Variants in SUPT3H observed in about 807,000 individuals in gnomAD.
SUPT3H encodes transcription initiation protein SPT3 homolog.
In SUPT3H, 44 loss-of-function variants were observed where a neutral mutation model predicts 44.3. The observed-to-expected ratio is 0.99, with a 90% CI of 0.78 to 1.28. The LOEUF (loss-of-function observed/expected upper bound fraction) is 1.28, where lower values mean the gene tolerates loss of function less well. SUPT3H is among the 50% of genes most tolerant of loss of function. The pLI, the probability that SUPT3H is intolerant of heterozygous loss-of-function variation, is 0.00. For missense variants in SUPT3H, 380 were observed against 387.1 expected, an observed-to-expected ratio of 0.98 and a Z score of 0.15; for synonymous variants, 124 against 125.6, an observed-to-expected ratio of 0.99 and a Z score of 0.09.
intron 2 of SUPT3H, among the ~76,000 whole-genome samples, chr6:45,118,077 T>A (rs1417347370): frequency 6.6e-6 from 1 of 152,144 alleles, no homozygotes; most frequent in Non-Finnish European, 1.5e-5. Flanking sequence ...AATGATCTTT[T>A]ACTTTAGTAT....
chr6:44,846,735 A>C (rs1771941991), intron 10 of SUPT3H, among the ~76,000 whole-genome samples: 1 of 151,818 alleles, frequency 6.6e-6, no homozygotes. Context: ...GGGTTCAAGC[A>C]ATTCTCCTGC....
intron 2 of SUPT3H, among the ~76,000 whole-genome samples, chr6:45,120,417 T>TTA (rs370965970): frequency 2.0e-5 from 1 of 50,510 alleles, no homozygotes; most frequent in Non-Finnish European, 3.7e-5. Flanking sequence ...AGACCTTGTC[T>TTA]AAAAAAAAAA....
At chr6:44,821,794 A>G (rs1351101118), downstream of SUPT3H, among the ~76,000 whole-genome samples, 1 of 152,214 alleles carries the variant, frequency 6.6e-6, no homozygotes, top group Non-Finnish European at 1.5e-5. Context: ...GCTGCCTGAA[A>G]TCTTCAGAAG....
At chr6:45,295,127 C>T (rs1266683306) in intron 2 of SUPT3H, among the ~76,000 whole-genome samples, 3 of 151,992 alleles carry the variant, frequency 2.0e-5, no homozygotes, top group African/African-American at 4.8e-5. Context: ...ACCAAAACAG[C>T]GTGGTACTGG....
At chr6:45,299,765 AAATT>A (rs1213626877) in intron 2 of SUPT3H, among the ~76,000 whole-genome samples, 1 of 151,956 alleles carries the variant, frequency 6.6e-6, no homozygotes, top group African/African-American at 2.4e-5. Flanking sequence ...AAAAAAAAAA[AAATT>A]AATTAATTAA....
intron 6 of SUPT3H, among the ~76,000 whole-genome samples, chr6:44,988,312 G>T (rs1295540831): frequency 6.6e-6 from 1 of 151,684 alleles, no homozygotes; most frequent in Non-Finnish European, 1.5e-5. Context: ...ATGTCACCAA[G>T]AAAATTCTAA....
At chr6:44,830,014 G>GCAAC (rs1768340282) in intron 10 of SUPT3H, 157 bp from the exon 11 acceptor site, 4 of 650,888 alleles carry the variant, frequency 6.1e-6, no homozygotes, top group East Asian at 2.8e-5. Context: ...CAAAACTATA[G>GCAAC]CAACCATTCT....
At chr6:45,375,214 A>G (rs1318793624) in intron 1 of SUPT3H, among the ~76,000 whole-genome samples, 2 of 152,208 alleles carry the variant, frequency 1.3e-5, no homozygotes, top group Non-Finnish European at 2.9e-5. Flanking sequence ...TCTCAAAAAT[A>G]ATAAAGTATT....
intron 2 of SUPT3H, among the ~76,000 whole-genome samples, chr6:45,329,361 C>T (rs551608830): frequency 4.5e-4 from 69 of 151,958 alleles, no homozygotes; most frequent in African/African-American, 1.5e-3. Flanking sequence ...TTCTAAACAA[C>T]TTTATATAAG....
chr6:44,979,151 GT>G (rs1778750322), intron 6 of SUPT3H, among the ~76,000 whole-genome samples: 1 of 152,094 alleles, frequency 6.6e-6, no homozygotes, highest in South Asian at 2.1e-4. Context: ...TTTGCATAAT[GT>G]TCTTTAGAGG....
intron 6 of SUPT3H, among the ~76,000 whole-genome samples, chr6:44,973,580 C>T (rs1032406337): frequency 2.6e-5 from 4 of 152,164 alleles, no homozygotes; most frequent in Non-Finnish European, 5.9e-5. Flanking sequence ...TGGCCTGTTA[C>T]CAACTTCCAA....
chr6:44,889,875 C>T (rs1020671151), intron 10 of SUPT3H, among the ~76,000 whole-genome samples: 1 of 151,936 alleles, frequency 6.6e-6, no homozygotes, highest in Non-Finnish European at 1.5e-5. Flanking sequence ...TGACAAAGGG[C>T]TAATATCCAG....
chr6:45,057,714 G>A (rs1791348891), intron 3 of SUPT3H, among the ~76,000 whole-genome samples: 1 of 152,102 alleles, frequency 6.6e-6, no homozygotes, highest in East Asian at 1.9e-4. Context: ...GCAGGGCCTG[G>A]AATATAAAGT....
chr6:45,063,463 G>C (rs936839343), intron 3 of SUPT3H, among the ~76,000 whole-genome samples: 47 of 147,234 alleles, frequency 3.2e-4, no homozygotes, highest in Non-Finnish European at 5.6e-4. Context: ...GACGGAGAAT[G>C]ACTTTGACGA....
chr6:45,069,246 G>A (rs891354222), intron 3 of SUPT3H, among the ~76,000 whole-genome samples: 2 of 152,106 alleles, frequency 1.3e-5, no homozygotes, highest in African/African-American at 4.8e-5. Flanking sequence ...TTGTATTAGA[G>A]GAACCAAAAA....
chr6:44,861,669 G>T (rs895032062), intron 10 of SUPT3H, among the ~76,000 whole-genome samples: 3 of 151,996 alleles, frequency 2.0e-5, no homozygotes, highest in African/African-American at 7.3e-5. Flanking sequence ...TTACAGATGT[G>T]AGCCACCACC....
At chr6:45,083,282 C>A (rs1043191851) in intron 3 of SUPT3H, among the ~76,000 whole-genome samples, 5 of 151,846 alleles carry the variant, frequency 3.3e-5, no homozygotes, top group Non-Finnish European at 2.9e-5. Flanking sequence ...ACCTCCGCCT[C>A]CCAGGTTCAA....
At chr6:45,305,770 C>G (rs1782894591) in intron 2 of SUPT3H, among the ~76,000 whole-genome samples, 1 of 152,218 alleles carries the variant, frequency 6.6e-6, no homozygotes, top group African/African-American at 2.4e-5. Context: ...AACCCCAGAA[C>G]TGCAGTCATT....
chr6:44,964,427 G>A (rs1191084810), intron 6 of SUPT3H, among the ~76,000 whole-genome samples: 1 of 151,316 alleles, frequency 6.6e-6, no homozygotes, highest in Non-Finnish European at 1.5e-5. Flanking sequence ...CCACCAAGTT[G>A]GACAACCAAG....
Sources: allele counts gnomAD v4.1 joint callset (sites outside exome capture counted in the v4.1 genomes callset), GRCh38; gene constraint gnomAD v4.1.1; transcripts MANE v1.5; gene names NCBI Gene and HGNC (gene_info 2026-07-23, HGNC 2026-07-21).